The following CNTN4 variants were observed in gnomAD, a reference collection of about 807,000 sequenced individuals.
CNTN4 encodes contactin 4.
In CNTN4, 77 loss-of-function variants were observed where a neutral mutation model predicts 122.5. The observed-to-expected ratio is 0.63, with a 90% CI of 0.52 to 0.76. The LOEUF is 0.76. Ranked by LOEUF, CNTN4 falls within the 30% of genes least tolerant of loss-of-function variation. The pLI, the probability that CNTN4 is intolerant of heterozygous loss-of-function variation, is 0.00. For missense variants in CNTN4, 1,256 were observed against 1,259.1 expected (o/e 1.00, Z 0.04); for synonymous variants, 512 against 447.0 (o/e 1.15, Z -1.83).
chr3:2,238,927 GT>G (rs1181851418), intron 2 of CNTN4: 7 of 125,804 alleles, frequency 5.6e-5, no homozygotes, highest in African/African-American at 1.9e-4. Context: ...GGGTTTCACC[GT>G]GTTAGCCAGG....
chr3:2,826,071 A>G (rs2092981351), intron 7 of CNTN4, among the ~76,000 whole-genome samples: 1 of 152,214 alleles, frequency 6.6e-6, no homozygotes, highest in Admixed American at 6.5e-5. Context: ...ATAAGGAAAT[A>G]GAAGCAAAGA....
At chr3:2,826,482 C>A (rs759685078) in intron 7 of CNTN4, among the ~76,000 whole-genome samples, 1 of 152,166 alleles carries the variant, frequency 6.6e-6, no homozygotes, top group Non-Finnish European at 1.5e-5. Flanking sequence ...TTCAGCTGGA[C>A]CATGCTGTAT....
At chr3:2,248,401 A>G (rs2040236816) in intron 2 of CNTN4, among the ~76,000 whole-genome samples, 1 of 151,990 alleles carries the variant, frequency 6.6e-6, no homozygotes, top group Non-Finnish European at 1.5e-5. Flanking sequence ...TCTGTACCTC[A>G]TCACATTCTA....
At chr3:2,747,435 A>T (rs1205799841) in intron 6 of CNTN4, among the ~76,000 whole-genome samples, 2 of 7,386 alleles carry the variant, frequency 2.7e-4, no homozygotes, top group African/African-American at 4.4e-4. Flanking sequence ...TAAAAATAAA[A>T]AATAAAATAC....
intron 3 of CNTN4, among the ~76,000 whole-genome samples, chr3:2,505,290 G>A (rs35795827): frequency 0.32 from 48,962 of 152,030 alleles, 8,804 homozygotes; most frequent in Admixed American, 0.45. Flanking sequence ...AAAACAGAAA[G>A]CAGACATCAG....
chr3:2,274,055 G>A (rs1486035919), intron 2 of CNTN4, among the ~76,000 whole-genome samples: 1 of 152,088 alleles, frequency 6.6e-6, no homozygotes, highest in East Asian at 1.9e-4. Flanking sequence ...TCAATCTACA[G>A]AGGTTCATGT....
At chr3:2,376,768 T>C (rs951550751) in intron 3 of CNTN4, among the ~76,000 whole-genome samples, 1 of 151,952 alleles carries the variant, frequency 6.6e-6, no homozygotes, top group Non-Finnish European at 1.5e-5. Context: ...TCTTCTCTCA[T>C]GTTGGTTGTG....
intron 4 of CNTN4, among the ~76,000 whole-genome samples, chr3:2,720,621 A>T: frequency 6.6e-6 from 1 of 152,180 alleles, no homozygotes; most frequent in East Asian, 1.9e-4. Flanking sequence ...AGAAAGTCAC[A>T]TGTGTCTTCC....
chr3:2,899,854 G>A (rs1455292200), intron 10 of CNTN4, among the ~76,000 whole-genome samples: 1 of 152,004 alleles, frequency 6.6e-6, no homozygotes, highest in Admixed American at 6.6e-5. Context: ...CTATCAATAC[G>A]AAATCAATAA....
chr3:3,046,144 A>G (rs1196798215), intron 23 of CNTN4, among the ~76,000 whole-genome samples: 3 of 152,230 alleles, frequency 2.0e-5, no homozygotes, highest in Non-Finnish European at 4.4e-5. Flanking sequence ...GACCAAATCT[A>G]CGTCTGATTG....
intron 2 of CNTN4, among the ~76,000 whole-genome samples, chr3:2,171,535 A>G (rs760165684): frequency 3.7e-4 from 57 of 152,308 alleles, no homozygotes; most frequent in Non-Finnish European, 7.2e-4. Flanking sequence ...CATTGCTTTA[A>G]TAATTGGAAA....
At chr3:2,268,292 T>C (rs1382891441) in intron 2 of CNTN4, among the ~76,000 whole-genome samples, 1 of 152,038 alleles carries the variant, frequency 6.6e-6, no homozygotes, top group Non-Finnish European at 1.5e-5. Flanking sequence ...TATATGTTAT[T>C]ATGGATCAGA....
rs1297321190 is a variant in CNTN4, at chr3:3,037,273, G to A, written c.2037G>A (p.Val679=). ...AATTCCGCACAGTTGCAGCCAACGT[G>A]ATTGGGATTGGGGAGCCCAGCCGCC... ...EYEFRTVAAN[V]IGIGEPSRPS... Residue 679 remains valine, a synonymous_variant, in exon 18 of 25, where the codon GTG becomes GTA. Transcript: ENST00000418658. 2.5e-6 allele frequency: 4 copies of A among 1,614,088 alleles called. No homozygotes were observed. The African/African-American group carries it at 4.0e-5, about 16-fold the overall frequency.
intron 6 of CNTN4, among the ~76,000 whole-genome samples, chr3:2,771,650 T>C (rs375858119): frequency 6.6e-5 from 10 of 152,018 alleles, no homozygotes; most frequent in East Asian, 3.9e-4. Flanking sequence ...GCATGCTTTA[T>C]TGAAAGAAGA....
intron 2 of CNTN4, among the ~76,000 whole-genome samples, chr3:2,148,414 A>G (rs554919708): frequency 1.6e-4 from 25 of 152,068 alleles, no homozygotes; most frequent in Admixed American, 1.4e-3. Flanking sequence ...GTGTGCCTGT[A>G]GTCCCAGCTA....
intron 2 of CNTN4, among the ~76,000 whole-genome samples, chr3:2,167,946 C>G (rs1167303530): frequency 1.3e-5 from 2 of 152,064 alleles, no homozygotes; most frequent in Admixed American, 1.3e-4. Context: ...TTCAACAGAC[C>G]AAGCAACATA....
intron 7 of CNTN4, among the ~76,000 whole-genome samples, chr3:2,852,181 A>G (rs1014850059): frequency 1.3e-5 from 2 of 152,180 alleles, no homozygotes; most frequent in African/African-American, 4.8e-5. Flanking sequence ...TGATCACAAG[A>G]TTTAATTTTC....
intron 2 of CNTN4, among the ~76,000 whole-genome samples, chr3:2,317,267 C>T (rs2043137789): frequency 6.6e-6 from 1 of 152,130 alleles, no homozygotes. Flanking sequence ...AACAGTGGTA[C>T]TTGTTTGTGA....
intron 6 of CNTN4, among the ~76,000 whole-genome samples, chr3:2,758,550 C>G (rs983561074): frequency 2.8e-5 from 4 of 142,336 alleles, no homozygotes; most frequent in African/African-American, 1.0e-4. Context: ...CGGAGTCTCC[C>G]TCTGTCTGCT....
Sources: gnomAD v4.1 joint callset for allele counts (sites outside exome capture counted in the v4.1 genomes callset) on GRCh38, gnomAD v4.1.1 for gene constraint, MANE v1.5 for transcripts, NCBI Gene and HGNC (gene_info 2026-07-23, HGNC 2026-07-21) for gene names.